The following NRXN2 variants were observed in gnomAD, a reference collection of about 807,000 sequenced individuals.
NRXN2 encodes the protein neurexin 2, also known as neurexin-2-beta.
NRXN2 carries 29 observed loss-of-function variants against 128.8 expected under a neutral mutation model. The ratio of observed to expected loss-of-function variants is 0.23; its 90% CI spans 0.17 to 0.31. The LOEUF (loss-of-function observed/expected upper bound fraction) is 0.31. Among genes scored for constraint, NRXN2 ranks in the 10% least tolerant of loss-of-function variants. The pLI is 1.00. For missense variants in NRXN2, 1,881 were observed against 2,452.6 expected, an observed-to-expected ratio of 0.77 and a Z score of 4.92; for synonymous variants, 1,098 against 1,075.2, an observed-to-expected ratio of 1.02 and a Z score of -0.41.
chr11:64,680,147 G>A lies in NRXN2; in HGVS notation c.1153-3110C>T, dbSNP rs147693402. 5.3e-5 allele frequency among the ~76,000 whole-genome samples: 8 copies of A among 152,248 alleles called. No individual in the cohort carries two copies. The East Asian group carries it at 1.3e-3, about 26-fold the overall frequency. On this transcript the variant is annotated intron_variant, in intron 6 of 22. Transcript: ENST00000265459. ...TTTCTGACTCAAACACCAACTGTAG[G>A]AATTCACCAGGCAGAAAGGAGAGCC...
intron 1 of NRXN2, among the ~76,000 whole-genome samples, chr11:64,721,138 G>GGT (rs2057422575): frequency 2.0e-5 from 3 of 151,820 alleles, no homozygotes; most frequent in Admixed American, 2.0e-4. Flanking sequence ...TGTGTACGCA[G>GGT]GTGTGTGTGC....
intron 6 of NRXN2, among the ~76,000 whole-genome samples, chr11:64,682,358 CTA>C (rs2052432076): frequency 6.6e-6 from 1 of 151,306 alleles, no homozygotes; most frequent in African/African-American, 2.4e-5. Flanking sequence ...TTGGCAGACT[CTA>C]TTCTTGGGGA....
In NRXN2 at chr11:64,606,887, C is replaced by A; in HGVS notation, c.*309G>T. 1 of 352,034 alleles carries A rather than the reference C, an allele frequency of 2.8e-6. No individual in the cohort carries two copies. Among genetic ancestry groups the A allele is most frequent in the Non-Finnish European group, 5.2e-6 (1 of 190,648 alleles). 21.8% of individuals were successfully genotyped at this position (352,034 alleles called of 1,614,324 possible). On this transcript the variant is annotated 3_prime_UTR_variant, in exon 23 of 23. Transcript: ENST00000265459. ...ACCCCCAGCCTTCCTTCCCACCCAA[C>A]CCCACCAAAATAAAACTACCCCCTT...
intron 3 of NRXN2, among the ~76,000 whole-genome samples, chr11:64,695,726 A>ACG (rs1346027520): frequency 1.3e-4 from 19 of 151,498 alleles, no homozygotes; most frequent in Non-Finnish European, 2.7e-4. Context: ...GTATACACAC[A>ACG]CGCGCACACA....
chr11:64,706,758 G>A (rs2056376762), intron 2 of NRXN2, among the ~76,000 whole-genome samples: 1 of 152,014 alleles, frequency 6.6e-6, no homozygotes, highest in Non-Finnish European at 1.5e-5. Flanking sequence ...CCCCAACCAA[G>A]TTTATTAATC....
At chr11:64,608,494 C>CTTTTTTTTTTTTTTTT (rs58638827) in intron 22 of NRXN2, among the ~76,000 whole-genome samples, 1 of 111,180 alleles carries the variant, frequency 9.0e-6, no homozygotes, top group African/African-American at 3.0e-5. Flanking sequence ...TCTTTTTTTG[C>CTTTTTTTTTTTTTTTT]TTTTTTTTTT....
intron 2 of NRXN2, among the ~76,000 whole-genome samples, chr11:64,710,627 C>T (rs2056797588): frequency 6.6e-6 from 1 of 152,152 alleles, no homozygotes; most frequent in Non-Finnish European, 1.5e-5. Flanking sequence ...ATGATTCATC[C>T]TGTTTTCTTA....
intron 2 of NRXN2, among the ~76,000 whole-genome samples, chr11:64,704,643 G>T (rs940526230): frequency 9.3e-5 from 14 of 149,818 alleles, no homozygotes; most frequent in Admixed American, 8.7e-4. Context: ...GAGAGAGAGA[G>T]AGAGAGAGAG....
chr11:64,647,407 G>A (rs2135440234), intron 17 of NRXN2, among the ~76,000 whole-genome samples: 1 of 152,208 alleles, frequency 6.6e-6, no homozygotes, highest in Admixed American at 6.5e-5. Context: ...ACCCCACAGA[G>A]TAGAAGGTTG....
At chr11:64,641,285 G>A (rs975485187) in intron 17 of NRXN2, among the ~76,000 whole-genome samples, 2 of 151,982 alleles carry the variant, frequency 1.3e-5, no homozygotes, top group Admixed American at 1.3e-4. Context: ...GGAGGTGAGA[G>A]AGGTACAGAG....
At chr11:64,692,281 C>G (rs75794741) in intron 4 of NRXN2, among the ~76,000 whole-genome samples, 4,915 of 152,134 alleles carry the variant, frequency 0.032, 114 homozygotes, top group Non-Finnish European at 0.05. Flanking sequence ...GGGTTGGGAG[C>G]GCACACTGTG....
chr11:64,672,510 G>C (rs921899870), intron 7 of NRXN2, among the ~76,000 whole-genome samples: 3 of 152,140 alleles, frequency 2.0e-5, no homozygotes, highest in Admixed American at 1.3e-4. Flanking sequence ...TAACTTGTGG[G>C]CAAGCTGGCT....
chr11:64,673,694 G>A (rs2050919506), intron 7 of NRXN2, among the ~76,000 whole-genome samples: 1 of 151,820 alleles, frequency 6.6e-6, no homozygotes, highest in African/African-American at 2.4e-5. Flanking sequence ...TTGTTTGTGT[G>A]TGTGTGTGTT....
Position 64,667,574 on chromosome 11 carries a change from G to A in NRXN2, c.1474C>T (p.Leu492=). 7.4e-6 allele frequency: 12 copies of A among 1,614,226 alleles called. No homozygotes were observed. Among genetic ancestry groups the A allele is most frequent in the Non-Finnish European group, 1.0e-5 (12 of 1,180,040 alleles). ...GGACTCTCAAAGGTCACAGGGTCCA[G>A]GGCAGCCACATCCTCACAGCGGAAT... ...LSFRCEDVAA[L]DPVTFESPEA... The change falls in exon 9 of 23, where the codon CTG becomes TTG. Residue 492 remains leucine (L), a synonymous_variant. Coordinates refer to ENST00000265459, the MANE Select transcript of NRXN2 (RefSeq NM_015080.4). This position sits in a 1 kb window ranked among gnomAD's most constrained non-coding sequence, Gnocchi z 5.6.
intron 2 of NRXN2, among the ~76,000 whole-genome samples, chr11:64,708,898 A>AT (rs2056607978): frequency 6.6e-6 from 1 of 152,190 alleles, no homozygotes; most frequent in Non-Finnish European, 1.5e-5. Context: ...ACTTTTAAAA[A>AT]TGTCCTCAGT....
At chr11:64,705,704 G>A (rs2135643010) in intron 2 of NRXN2, among the ~76,000 whole-genome samples, 1 of 151,920 alleles carries the variant, frequency 6.6e-6, no homozygotes, top group Middle Eastern at 3.4e-3. Context: ...GGAATGTCAA[G>A]AGGCACCACC....
At chr11:64,620,232 C>A (rs549715070) in intron 22 of NRXN2, 62 bp downstream of exon 22, 4 of 1,348,898 alleles carry the variant, frequency 3.0e-6, no homozygotes, top group African/African-American at 2.9e-5. Context: ...CAGGGACAGT[C>A]GCCCCCCTCC....
intron 5 of NRXN2, chr11:64,688,261 C>A: frequency 4.1e-6 from 4 of 982,138 alleles, no homozygotes; most frequent in Non-Finnish European, 4.8e-6. Flanking sequence ...TACTCTGGAG[C>A]CTGCGCCTCC....
At position 64,697,762 on chromosome 11, in the gene NRXN2, A is replaced by G. The variant is rs1346363564; in HGVS notation, c.748+13T>C. 1.1e-5 allele frequency: 18 copies of G among 1,613,664 alleles called. No individual in the cohort carries two copies. The highest frequency in any genetic ancestry group is 1.4e-5 in the Non-Finnish European group (17 of 1,179,822). On this transcript the variant is annotated intron_variant, in intron 3 of 22. Coordinates refer to ENST00000265459, the MANE Select transcript of NRXN2 (RefSeq NM_015080.4). ...CAGATCCACTACCCCAGTGACAGAG[A>G]GGCTTCACTCACCTTCCATGGGGTG... is the stretch of plus-strand genomic sequence containing the variant.
Sources: allele counts gnomAD v4.1 joint callset (sites outside exome capture counted in the v4.1 genomes callset), GRCh38; gene constraint gnomAD v4.1.1; non-coding constraint Gnocchi (gnomAD v3.1); transcripts MANE v1.5; gene names NCBI Gene and HGNC (gene_info 2026-07-23, HGNC 2026-07-21).